The following IL1RAPL2 variants were observed in gnomAD, a reference collection of about 807,000 sequenced individuals.
IL1RAPL2 encodes the protein interleukin 1 receptor accessory protein like 2, also known as X-linked interleukin-1 receptor accessory protein-like 2.
A neutral mutation model predicts 44.1 loss-of-function variants in IL1RAPL2; 3 were observed. That is an observed-to-expected ratio of 0.07 (90% confidence interval 0.03 to 0.18). IL1RAPL2 has a LOEUF of 0.18. Ranked by LOEUF, IL1RAPL2 falls within the 10% of genes least tolerant of loss-of-function variation. The pLI, the probability that IL1RAPL2 is intolerant of heterozygous loss-of-function variation, is 1.00. For synonymous variants in IL1RAPL2, 181 were observed against 178.8 expected, an observed-to-expected ratio of 1.01 and a Z score of -0.10; for missense variants, 391 against 496.4, an observed-to-expected ratio of 0.79 and a Z score of 2.02.
At chrX:105,281,388 G>A (rs1355980209) in intron 5 of IL1RAPL2, among the ~76,000 whole-genome samples, 2 of 111,363 alleles carry the variant, frequency 1.8e-5, no homozygotes, top group East Asian at 2.8e-4. Flanking sequence ...AAAACTGCCC[G>A]TTCTGCACAT....
chrX:105,721,750 ATT>A (rs948012973), intron 7 of IL1RAPL2, among the ~76,000 whole-genome samples: 5 of 112,052 alleles, frequency 4.5e-5, no homozygotes, highest in African/African-American at 1.6e-4. Flanking sequence ...GCAAAATGAC[ATT>A]GTTTAACTGA....
rs1178882738 is a variant in IL1RAPL2 at position 104,675,274 on chromosome X, G to A, written c.82+16279G>A. ...TCCCTCTACACACTGCTTTAAATGC[G>A]TCCCAGAGATTCTGGTATGTTGTGT... On this transcript the variant is annotated intron_variant, in intron 2 of 10. Transcript: ENST00000372582. Among the ~76,000 whole-genome samples the A allele has an allele frequency of 2.4e-4, 27 of 111,243 alleles. No individual in the cohort carries two copies. The East Asian group carries it at 4.2e-3, about 17-fold the overall frequency.
chrX:105,068,654 A>T (rs2032168012), intron 2 of IL1RAPL2, among the ~76,000 whole-genome samples: 1 of 111,713 alleles, frequency 9.0e-6, no homozygotes, highest in Non-Finnish European at 1.9e-5. Flanking sequence ...AGCAGAAATG[A>T]ATCTGTCAAC....
At chrX:104,816,576 G>C (rs1921141412) in intron 2 of IL1RAPL2, among the ~76,000 whole-genome samples, 1 of 112,279 alleles carries the variant, frequency 8.9e-6, no homozygotes, top group African/African-American at 3.2e-5. Context: ...TTATGATCCT[G>C]AGGCAAAGTT....
chrX:105,267,687 G>C, intron 5 of IL1RAPL2, 146 bp downstream of exon 5: 1 of 453,975 alleles, frequency 2.2e-6, no homozygotes, highest in Non-Finnish European at 3.8e-6. Flanking sequence ...CTATTAATAA[G>C]TTGTACTGAG....
At chrX:104,640,686 G>C (rs773218888) in intron 1 of IL1RAPL2, among the ~76,000 whole-genome samples, 7 of 112,083 alleles carry the variant, frequency 6.2e-5, no homozygotes, top group African/African-American at 2.3e-4. Context: ...TATGATGCTG[G>C]TTGGGGAGGA....
At chrX:105,161,103 A>C (rs185207698) in intron 2 of IL1RAPL2, among the ~76,000 whole-genome samples, 16 of 110,514 alleles carry the variant, frequency 1.4e-4, no homozygotes, top group Admixed American at 3.9e-4. Flanking sequence ...TAAGCTGTGC[A>C]TGGGAGCATG....
At chrX:104,802,809 C>G (rs1243481467) in intron 2 of IL1RAPL2, among the ~76,000 whole-genome samples, 2 of 111,374 alleles carry the variant, frequency 1.8e-5, no homozygotes, top group Admixed American at 9.6e-5. Flanking sequence ...TCACTGTCCT[C>G]TAGAATATCA....
At chrX:105,116,826 A>C (rs1401159907) in intron 2 of IL1RAPL2, among the ~76,000 whole-genome samples, 1 of 112,537 alleles carries the variant, frequency 8.9e-6, no homozygotes, top group Non-Finnish European at 1.9e-5. Flanking sequence ...CAGGCTTACA[A>C]AGTATTTCCT....
chrX:105,440,614 T>C (rs2035913505), intron 5 of IL1RAPL2, among the ~76,000 whole-genome samples: 1 of 112,276 alleles, frequency 8.9e-6, no homozygotes, highest in African/African-American at 3.2e-5. Context: ...AAATATGCTC[T>C]GCAGAGAAAA....
At chrX:105,360,053 A>G (rs191773394) in intron 5 of IL1RAPL2, among the ~76,000 whole-genome samples, 1 of 111,216 alleles carries the variant, frequency 9.0e-6, no homozygotes, top group African/African-American at 3.3e-5. Context: ...TGTATGTTTT[A>G]TAGTCCTTTA....
chrX:104,760,257 T>A (rs1932404506), intron 2 of IL1RAPL2, among the ~76,000 whole-genome samples: 1 of 111,988 alleles, frequency 8.9e-6, no homozygotes, highest in Non-Finnish European at 1.9e-5. Flanking sequence ...GTGTAGATAC[T>A]TCTTGGATAT....
intron 2 of IL1RAPL2, among the ~76,000 whole-genome samples, chrX:104,863,381 AG>A (rs1922540009): frequency 8.9e-6 from 1 of 111,984 alleles, no homozygotes; most frequent in Admixed American, 9.5e-5. Flanking sequence ...GATTTATTAT[AG>A]TACCCCAAGG....
chrX:105,691,614 A>G (rs2038036006), intron 6 of IL1RAPL2, among the ~76,000 whole-genome samples: 1 of 111,981 alleles, frequency 8.9e-6, no homozygotes, highest in Admixed American at 9.6e-5. Flanking sequence ...AGCCAAGTAA[A>G]GACATGCTTG....
intron 2 of IL1RAPL2, among the ~76,000 whole-genome samples, chrX:104,660,624 C>T: frequency 9.7e-6 from 1 of 103,449 alleles, no homozygotes; most frequent in Non-Finnish European, 2.0e-5. Flanking sequence ...TGTATAGACA[C>T]ACACACACAC....
chrX:105,277,875 T>A (rs2034498705), intron 5 of IL1RAPL2, among the ~76,000 whole-genome samples: 1 of 109,985 alleles, frequency 9.1e-6, no homozygotes, highest in South Asian at 3.9e-4. Context: ...TGGATGTCAG[T>A]CCATAGAGTG....
intron 2 of IL1RAPL2, among the ~76,000 whole-genome samples, chrX:105,165,374 A>T (rs892614389): frequency 9.0e-6 from 1 of 111,541 alleles, no homozygotes; most frequent in Non-Finnish European, 1.9e-5. Flanking sequence ...ATCTCTTACA[A>T]GTCTGATCTA....
chrX:105,648,303 G>A (rs1345157626), intron 6 of IL1RAPL2, among the ~76,000 whole-genome samples: 2 of 111,755 alleles, frequency 1.8e-5, no homozygotes, highest in African/African-American at 6.5e-5. Flanking sequence ...ATCATGAGCA[G>A]TAGAACATGT....
intron 5 of IL1RAPL2, among the ~76,000 whole-genome samples, chrX:105,330,201 C>G (rs1362736626): frequency 9.0e-6 from 1 of 111,505 alleles, no homozygotes; most frequent in Admixed American, 9.6e-5. Context: ...CTTCCTAGTT[C>G]TCCACACAGA....
Sources: gnomAD v4.1 joint callset for allele counts (sites outside exome capture counted in the v4.1 genomes callset) on GRCh38, gnomAD v4.1.1 for gene constraint, MANE v1.5 for transcripts, NCBI Gene and HGNC (gene_info 2026-07-23, HGNC 2026-07-21) for gene names.